Variants in PDLIM2 observed in about 807,000 individuals in gnomAD.
PDLIM2 encodes PDZ and LIM domain 2, also known as PDZ and LIM domain protein 2.
A neutral mutation model predicts 54.1 loss-of-function variants in PDLIM2; 51 were observed. The ratio of observed to expected loss-of-function variants is 0.94; its 90% CI spans 0.75 to 1.19. PDLIM2 has a LOEUF of 1.19. Ranked by LOEUF, PDLIM2 falls within the 50% of genes most tolerant of loss-of-function variation. PDLIM2 has a pLI of 0.00. For synonymous variants in PDLIM2, 398 were observed against 385.6 expected, an observed-to-expected ratio of 1.03 and a Z score of -0.38; for missense variants, 912 against 874.0, an observed-to-expected ratio of 1.04 and a Z score of -0.55.
chr8:22,589,385 G>A lies in PDLIM2; in HGVS notation c.1367+11G>A, dbSNP rs1203052967. ...TTCCTCCAGGCCCAGGTACCAGCAG[G>A]CCCCGGAGGGTCGGGTTGGGGTCTT... On this transcript the variant is annotated intron_variant, in intron 7 of 9. Transcript: ENST00000308354. 2.6e-6 allele frequency: 4 copies of A among 1,535,618 alleles called. No individual in the cohort carries two copies. Among genetic ancestry groups the A allele is most frequent in the African/African-American group, 1.4e-5 (1 of 72,926 alleles).
At chr8:22,596,110 G>T, downstream of PDLIM2, 1 of 152,436 alleles carries the variant, frequency 6.6e-6, no homozygotes, top group South Asian at 2.1e-4. Flanking sequence ...GGAACACTTG[G>T]AAGGTTTTAA....
exon 10 of PDLIM2, chr8:22,594,066 C>T: frequency 7.0e-7 from 1 of 1,436,280 alleles, no homozygotes; most frequent in Non-Finnish European, 9.1e-7. Context: ...GGTCTGGGAC[C>T]TGTCTTGGAC....
At position 22,579,104 on chromosome 8, in the gene PDLIM2, C is replaced by T. The variant is rs532578213; in HGVS notation, c.325C>T (p.Pro109Ser). The change falls in exon 1 of 10, where the codon CCG becomes TCG. Residue 109 changes from proline to serine, a missense_variant. By Grantham distance (74) the Pro-to-Ser change is moderately conservative. Coordinates refer to ENST00000308354, the Ensembl canonical transcript of PDLIM2. ...CGGGATCACATGGGCGGAGGCAGGT[C>T]CGGGAGCCCCGGGCGGGCTCTCCCC... The T allele has an allele frequency of 8.3e-5, 106 of 1,272,788 alleles. No individual in the cohort carries two copies. In the East Asian group the frequency reaches 2.8e-3, roughly 34 times the overall value. The allele number at this position is 1,272,788 out of a possible 1,614,324, so 78.8% of individuals were successfully genotyped here.
intron 2 of PDLIM2, chr8:22,581,124 G>C: frequency 1.5e-6 from 1 of 673,180 alleles, no homozygotes. Flanking sequence ...GTATTTCCAA[G>C]CACAGTTCCT....
exon 10 of PDLIM2, chr8:22,594,175 GAGGGTCTAAGT>G: frequency 7.1e-7 from 1 of 1,407,640 alleles, no homozygotes; most frequent in East Asian, 2.6e-5. Flanking sequence ...CTTTGTGTGC[GAGGGTCTAAGT>G]AGGGTCGAAC....
exon 3 of PDLIM2, chr8:22,581,389 G>A (rs370120961): frequency 6.9e-6 from 11 of 1,603,264 alleles, no homozygotes; most frequent in African/African-American, 1.3e-5. Context: ...GTGGCCGAGC[G>A]GGGCAAAGCC....
At position 22,580,703 on chromosome 8, in the gene PDLIM2, G is replaced by T; in HGVS notation, c.843+6G>T. On this transcript the variant is annotated splice_donor_region_variant and intron_variant, in intron 2 of 9. Transcript: ENST00000308354. The stretch of plus-strand genomic sequence containing the variant: ...CGCCCATCATGGTGACTAAGGTAAG[G>T]ATGGTGGCTCAAAGAGATGAGAAGG... 1 of 1,613,744 alleles carries T rather than the reference G, an allele frequency of 6.2e-7. No individual in the cohort carries two copies. Among genetic ancestry groups the T allele is most frequent in the Non-Finnish European group, 8.5e-7 (1 of 1,179,832 alleles).
chr8:22,581,661 C>T, intron 3 of PDLIM2, 131 bp downstream of exon 2: 1 of 1,245,444 alleles, frequency 8.0e-7, no homozygotes, highest in Non-Finnish European at 1.1e-6. Flanking sequence ...CTCTCCACAC[C>T]TTGGTGAGAA....
Position 22,593,770 on chromosome 8 carries a change from CA to C in PDLIM2, c.1670del (p.His557ProfsTer12). 6.2e-7 allele frequency: 1 copy of C among 1,603,326 alleles called. No individual in the cohort carries two copies. The highest frequency in any genetic ancestry group is 1.3e-5 in the African/African-American group (1 of 74,926). On this transcript the variant is annotated frameshift_variant, in exon 10 of 10. Transcript: ENST00000308354. LOFTEE classifies it high-confidence loss of function. ...GCGCATCCAGGAGGGCCGGTACCGC[CA>C]CCCCGGCTGCTACACCTGTGCCGAC...
chr8:22,594,894 C>G (rs548590252), downstream of PDLIM2: 16 of 442,342 alleles, frequency 3.6e-5, no homozygotes, highest in African/African-American at 2.2e-4. Flanking sequence ...CCACTGCATT[C>G]CAGCCTGGGA....
intron 6 of PDLIM2, chr8:22,587,948 C>G (rs564067193): frequency 5.3e-5 from 8 of 152,346 alleles, no homozygotes; most frequent in African/African-American, 1.9e-4. Context: ...AGCCCCTCTC[C>G]CTCTGGTTGG....
At chr8:22,594,940 A>C, downstream of PDLIM2, 3 of 288,112 alleles carry the variant, frequency 1.0e-5, no homozygotes, top group East Asian at 8.2e-5. Context: ...AAAACACAAA[A>C]ACAAATGAAT....
chr8:22,585,149 G>A, exon 5 of PDLIM2: 1 of 1,613,256 alleles, frequency 6.2e-7, no homozygotes, highest in Non-Finnish European at 8.5e-7. Flanking sequence ...TGGAGAGGCA[G>A]CCATCAGCCG....
downstream of PDLIM2, chr8:22,596,067 T>C (rs2117377004): frequency 6.6e-6 from 1 of 152,420 alleles, no homozygotes; most frequent in Admixed American, 6.5e-5. Context: ...AGTGTTGGGA[T>C]TACAAGCGTG....
At chr8:22,581,906 C>T (rs928225025) in intron 3 of PDLIM2, among the ~76,000 whole-genome samples, 3 of 152,250 alleles carry the variant, frequency 2.0e-5, no homozygotes, top group Admixed American at 6.5e-5. Flanking sequence ...GAGGCTGCAT[C>T]CCCAGGACTC....
Position 22,579,958 on chromosome 8 carries a change from G to C in PDLIM2, c.748+431G>C, listed in dbSNP as rs148641539. 5.4e-3 allele frequency among the ~76,000 whole-genome samples: 825 copies of C among 152,320 alleles called. 8 individuals carry two copies. Among genetic ancestry groups the C allele is most frequent in the African/African-American group, 0.019 (792 of 41,576 alleles). ...TTGCCCTGGCAGCCGGCCCCTGGGG[G>C]AGGTGGGGAGCCCGGTCTTGCCCGT... On this transcript the variant is annotated intron_variant, in intron 1 of 9. Transcript: ENST00000308354.
chr8:22,586,257 G>A (rs1800380322), intron 6 of PDLIM2, among the ~76,000 whole-genome samples: 1 of 152,242 alleles, frequency 6.6e-6, no homozygotes, highest in African/African-American at 2.4e-5. Flanking sequence ...CCGAACAGCG[G>A]CTGCCTAGTG....
At chr8:22,591,816 A>G (rs1436221417) in intron 9 of PDLIM2, 148 bp downstream of exon 8, 4 of 679,368 alleles carry the variant, frequency 5.9e-6, no homozygotes, top group Non-Finnish European at 9.7e-6. Flanking sequence ...AGTGTTGCAC[A>G]GCTTTGGGGG....
chr8:22,580,596 T>A, intron 1 of PDLIM2: 1 of 1,613,942 alleles, frequency 6.2e-7, no homozygotes, highest in Middle Eastern at 1.7e-4. Flanking sequence ...GGTCCTCTCT[T>A]CCTCAGGTAT....
Sources: gnomAD v4.1 joint callset for allele counts (sites outside exome capture counted in the v4.1 genomes callset) on GRCh38, gnomAD v4.1.1 for gene constraint, MANE v1.5 for transcripts, NCBI Gene and HGNC (gene_info 2026-07-23, HGNC 2026-07-21) for gene names.